The following COMMD1 variants were observed in gnomAD, a reference collection of about 807,000 sequenced individuals.
The protein encoded by COMMD1 is COMM domain-containing protein 1.
COMMD1 carries 10 observed loss-of-function variants against 17.2 expected under a neutral mutation model. The observed-to-expected ratio is 0.58, with a 90% CI of 0.36 to 0.99. COMMD1 has a LOEUF of 0.99. COMMD1 is among the 50% of genes least tolerant of loss of function. The probability of loss-of-function intolerance (pLI) is 0.01; values close to 1 mark genes in which losing one functional copy is unlikely to be tolerated. For missense variants in COMMD1, 270 were observed against 231.8 expected, an observed-to-expected ratio of 1.17 and a Z score of -1.07; for synonymous variants, 97 against 91.6, an observed-to-expected ratio of 1.06 and a Z score of -0.34.
At chr2:62,034,804 A>G (rs1381299076) in intron 2 of COMMD1, among the ~76,000 whole-genome samples, 1 of 152,190 alleles carries the variant, frequency 6.6e-6, no homozygotes, top group Non-Finnish European at 1.5e-5. Context: ...TTTAAAAAAA[A>G]AAGTCTCATC....
chr2:61,921,505 A>C (rs946041719), intron 1 of COMMD1, among the ~76,000 whole-genome samples: 4 of 151,934 alleles, frequency 2.6e-5, no homozygotes, highest in Non-Finnish European at 4.4e-5. Flanking sequence ...GTGCAGTGGC[A>C]CGATTTCTGC....
At chr2:62,047,611 C>T (rs1465915954) in intron 2 of COMMD1, among the ~76,000 whole-genome samples, 1 of 151,992 alleles carries the variant, frequency 6.6e-6, no homozygotes, top group African/African-American at 2.4e-5. Context: ...TGTGCCACCA[C>T]ACTGGGCTAA....
intron 2 of COMMD1, among the ~76,000 whole-genome samples, chr2:62,027,270 C>G (rs1259917381): frequency 6.6e-6 from 1 of 152,056 alleles, no homozygotes; most frequent in Non-Finnish European, 1.5e-5. Flanking sequence ...CTGGCTAATA[C>G]AAAAATCAAG....
In COMMD1 at chr2:61,965,429, C is replaced by T. The variant is rs575808721; in HGVS notation, c.181-35272C>T. 1.2e-4 allele frequency among the ~76,000 whole-genome samples: 19 copies of T among 152,286 alleles called. No homozygotes were observed. The South Asian group carries it at 3.9e-3, about 32-fold the overall frequency. On this transcript the variant is annotated intron_variant, in intron 1 of 2. Coordinates refer to ENST00000311832, the MANE Select transcript of COMMD1 (RefSeq NM_152516.4). ...ATACCAAATAGGACCTTCAGAAAAA[C>T]CAGAGCTAAAACTACTTCAAAAGAG...
intron 1 of COMMD1, among the ~76,000 whole-genome samples, chr2:61,926,162 G>A (rs767873868): frequency 7.2e-5 from 11 of 151,960 alleles, no homozygotes; most frequent in Non-Finnish European, 1.0e-4. Flanking sequence ...TAGTAGAGAC[G>A]GGGTTTCACT....
intron 2 of COMMD1, among the ~76,000 whole-genome samples, chr2:62,085,277 G>A (rs1671626387): frequency 1.3e-5 from 2 of 151,176 alleles, no homozygotes; most frequent in Non-Finnish European, 1.5e-5. Context: ...GAGTGCAGTG[G>A]CGCGATCTCT....
At chr2:62,019,386 G>A (rs1669551410) in intron 2 of COMMD1, among the ~76,000 whole-genome samples, 2 of 151,960 alleles carry the variant, frequency 1.3e-5, no homozygotes, top group East Asian at 1.9e-4. Flanking sequence ...TGTTGGCCAG[G>A]CTGGTCCCAA....
intron 1 of COMMD1, among the ~76,000 whole-genome samples, chr2:61,998,888 A>G (rs577341184): frequency 5.9e-5 from 9 of 152,208 alleles, no homozygotes; most frequent in Non-Finnish European, 1.3e-4. Flanking sequence ...AACACAAGAC[A>G]TTTATCAATT....
At chr2:62,088,250 G>A (rs1305844822) in intron 2 of COMMD1, among the ~76,000 whole-genome samples, 2 of 151,746 alleles carry the variant, frequency 1.3e-5, no homozygotes, top group African/African-American at 2.4e-5. Context: ...CTTGAAAATC[G>A]TATCCATCCT....
At chr2:62,048,182 CTTTT>C (rs67195629) in intron 2 of COMMD1, among the ~76,000 whole-genome samples, 4 of 127,248 alleles carry the variant, frequency 3.1e-5, no homozygotes, top group Non-Finnish European at 3.3e-5. Context: ...AACTAAATTT[CTTTT>C]TTTTTTTTTT....
At chr2:62,043,355 T>G (rs1411096924) in intron 2 of COMMD1, among the ~76,000 whole-genome samples, 4 of 152,256 alleles carry the variant, frequency 2.6e-5, no homozygotes, top group Non-Finnish European at 4.4e-5. Context: ...GTTCTTTACA[T>G]TTTTATTTTT....
chr2:61,986,694 A>G (rs1446331295), intron 1 of COMMD1, among the ~76,000 whole-genome samples: 2 of 148,878 alleles, frequency 1.3e-5, no homozygotes, highest in African/African-American at 5.0e-5. Flanking sequence ...TCAGCCTCCC[A>G]AATAGCTGGG....
intron 2 of COMMD1, among the ~76,000 whole-genome samples, chr2:62,026,940 AATC>A (rs1299667263): frequency 1.3e-5 from 2 of 152,208 alleles, no homozygotes; most frequent in African/African-American, 4.8e-5. Flanking sequence ...TTTTAATTTT[AATC>A]ATGATTCTTT....
chr2:62,017,704 T>C (rs939906630), intron 2 of COMMD1, among the ~76,000 whole-genome samples: 1 of 149,588 alleles, frequency 6.7e-6, no homozygotes, highest in Non-Finnish European at 1.5e-5. Context: ...AATGAAGGTA[T>C]CTTTTGGCTG....
chr2:62,005,538 T>C (rs370144046), intron 2 of COMMD1, among the ~76,000 whole-genome samples: 1 of 152,180 alleles, frequency 6.6e-6, no homozygotes, highest in East Asian at 1.9e-4. Flanking sequence ...GCAAAGGATA[T>C]GAACAGACAC....
intron 2 of COMMD1, among the ~76,000 whole-genome samples, chr2:62,101,442 C>G (rs765785981): frequency 6.6e-6 from 1 of 152,180 alleles, no homozygotes; most frequent in Non-Finnish European, 1.5e-5. Flanking sequence ...GACCCCATCT[C>G]TACAAAAAAT....
At chr2:61,921,587 G>A (rs1322464689) in intron 1 of COMMD1, among the ~76,000 whole-genome samples, 13 of 152,134 alleles carry the variant, frequency 8.5e-5, no homozygotes, top group Non-Finnish European at 1.9e-4. Flanking sequence ...GGGACTATAG[G>A]GGCCTGCCAC....
intron 1 of COMMD1, among the ~76,000 whole-genome samples, chr2:61,913,897 T>C (rs11677853): frequency 0.44 from 66,618 of 150,814 alleles, 16,822 homozygotes; most frequent in African/African-American, 0.71. Flanking sequence ...CCCCCCTGGG[T>C]GCGGTGGCTC....
intron 1 of COMMD1, among the ~76,000 whole-genome samples, chr2:61,990,903 T>TACACACACACACACAC (rs34009777): frequency 8.7e-4 from 101 of 116,158 alleles, no homozygotes; most frequent in South Asian, 2.5e-3. Flanking sequence ...TATATATATA[T>TACACACACACACACAC]ACACACACAC....
Sources: allele counts gnomAD v4.1 joint callset (sites outside exome capture counted in the v4.1 genomes callset), GRCh38; gene constraint gnomAD v4.1.1; transcripts MANE v1.5; gene names NCBI Gene and HGNC (gene_info 2026-07-23, HGNC 2026-07-21).